The following MATR3 variants were observed in gnomAD, a reference collection of about 807,000 sequenced individuals.
MATR3 encodes the protein matrin-3.
Under a neutral mutation model 85.5 loss-of-function variants are expected in MATR3, and 4 were observed. The observed-to-expected ratio is 0.05, with a 90% CI of 0.02 to 0.11. MATR3 has a LOEUF of 0.11. Ranked by LOEUF, MATR3 falls within the 10% of genes least tolerant of loss-of-function variation. The pLI, the probability that MATR3 is intolerant of heterozygous loss-of-function variation, is 1.00. For synonymous variants in MATR3, 336 were observed against 343.1 expected, an observed-to-expected ratio of 0.98 and a Z score of 0.23; for missense variants, 685 against 1,016.1, an observed-to-expected ratio of 0.67 and a Z score of 4.43.
chr5:139,298,850 CAACTT>C (rs1340028678), intron 1 of MATR3, among the ~76,000 whole-genome samples: 2 of 152,030 alleles, frequency 1.3e-5, no homozygotes, highest in African/African-American at 2.4e-5. Flanking sequence ...AAATTGAAAA[CAACTT>C]AAATGTTCAT....
intron 1 of MATR3, among the ~76,000 whole-genome samples, chr5:139,297,175 C>G (rs1754199972): frequency 6.6e-6 from 1 of 151,896 alleles, no homozygotes; most frequent in Non-Finnish European, 1.5e-5. Context: ...GGGACTCCAT[C>G]TCAAAAAAAA....
upstream of MATR3, among the ~76,000 whole-genome samples, chr5:139,290,345 A>G (rs952186569): frequency 2.8e-5 from 4 of 143,824 alleles, no homozygotes; most frequent in African/African-American, 7.9e-5. Flanking sequence ...GGGTTTCACT[A>G]TGTTGGCCAG....
upstream of MATR3, chr5:139,293,616 G>A: frequency 5.1e-6 from 1 of 197,496 alleles, no homozygotes; most frequent in Non-Finnish European, 1.0e-5. Flanking sequence ...GTAGGGGGAG[G>A]GGCCTGGCGC....
chr5:139,302,452 A>G (rs1457201097), intron 1 of MATR3, among the ~76,000 whole-genome samples: 1 of 152,204 alleles, frequency 6.6e-6, no homozygotes, highest in Non-Finnish European at 1.5e-5. Flanking sequence ...AGGAAATATT[A>G]TATACACCAT....
At chr5:139,328,715 A>C (rs574847146) in intron 14 of MATR3, among the ~76,000 whole-genome samples, 14 of 152,238 alleles carry the variant, frequency 9.2e-5, no homozygotes, top group African/African-American at 3.1e-4. Flanking sequence ...TGAGTAGTGC[A>C]TTGAGGCCAG....
At chr5:139,277,665 AT>A (rs1382407556) in intron 2 of MATR3, among the ~76,000 whole-genome samples, 1 of 151,370 alleles carries the variant, frequency 6.6e-6, no homozygotes, top group Non-Finnish European at 1.5e-5. Flanking sequence ...GCAGCATTCT[AT>A]TTCCATCTCT....
intron 9 of MATR3, 111 bp downstream of exon 9, chr5:139,319,612 C>T (rs1755435221): frequency 4.2e-6 from 4 of 941,728 alleles, no homozygotes; most frequent in Non-Finnish European, 4.8e-6. Flanking sequence ...GTTTGGGAGG[C>T]CAAGGCAGGC....
At chr5:139,310,621 A>G (rs1388571406) in intron 2 of MATR3, 4 of 152,082 alleles carry the variant, frequency 2.6e-5, no homozygotes, top group Non-Finnish European at 5.9e-5. Flanking sequence ...CTTTTTACTT[A>G]GTGGTATTGT....
intron 1 of MATR3, among the ~76,000 whole-genome samples, chr5:139,275,243 A>C (rs528811556): frequency 7.3e-6 from 1 of 137,558 alleles, no homozygotes; most frequent in Non-Finnish European, 1.5e-5. Flanking sequence ...GTGATCCGCC[A>C]GCCTCAGCCT....
intron 1 of MATR3, among the ~76,000 whole-genome samples, chr5:139,299,126 T>C (rs75426954): frequency 2.0e-5 from 3 of 152,192 alleles, no homozygotes; most frequent in Admixed American, 2.0e-4. Flanking sequence ...CGTTAATGTT[T>C]TGTTTCGTAT....
intron 1 of MATR3, among the ~76,000 whole-genome samples, chr5:139,306,129 C>A (rs1754694320): frequency 6.6e-6 from 1 of 152,140 alleles, no homozygotes; most frequent in Admixed American, 6.5e-5. Flanking sequence ...AAAATTGTTT[C>A]ACTGAAGATG....
chr5:139,297,127 G>C (rs1754196717), intron 1 of MATR3, among the ~76,000 whole-genome samples: 2 of 152,190 alleles, frequency 1.3e-5, no homozygotes, highest in African/African-American at 4.8e-5. Flanking sequence ...GCAGTTAGCC[G>C]AGGTGGCGCC....
chr5:139,278,564 G>C, intron 2 of MATR3: 1 of 359,566 alleles, frequency 2.8e-6, no homozygotes, highest in Admixed American at 3.5e-5. Context: ...TTCACTGCTA[G>C]ATCCCAATCG....
intron 2 of MATR3, among the ~76,000 whole-genome samples, chr5:139,277,809 GGGTACAACATGA>G (rs1434058734): frequency 6.7e-6 from 1 of 150,024 alleles, no homozygotes; most frequent in Non-Finnish European, 1.5e-5. Flanking sequence ...ATGTTATATG[GGGTACAACATGA>G]GGTTTTCATA....
intron 1 of MATR3, among the ~76,000 whole-genome samples, chr5:139,302,851 A>G (rs1164966857): frequency 1.3e-5 from 2 of 152,242 alleles, no homozygotes; most frequent in Admixed American, 1.3e-4. Context: ...GAACATTTGG[A>G]AAATCTGAGC....
chr5:139,305,466 A>G (rs1159194115), intron 1 of MATR3, among the ~76,000 whole-genome samples: 1 of 152,210 alleles, frequency 6.6e-6, no homozygotes, highest in Non-Finnish European at 1.5e-5. Context: ...ATGAAGGTCA[A>G]AGCTGCAATT....
Position 139,293,782 on chromosome 5 carries a change from C to T in MATR3, c.-201C>T, listed in dbSNP as rs1173297451. 1 of 396,320 alleles carries T rather than the reference C, an allele frequency of 2.5e-6. No homozygotes were observed. Among genetic ancestry groups the T allele is most frequent in the Non-Finnish European group, 4.4e-6 (1 of 225,586 alleles). 24.6% of individuals were successfully genotyped at this position (396,320 alleles called of 1,614,324 possible). On this transcript the variant is annotated 5_prime_UTR_variant, in exon 1 of 15. Coordinates refer to ENST00000394805, the MANE Select transcript of MATR3 (RefSeq NM_018834.6). The stretch of plus-strand genomic sequence containing the variant: ...GCTCGCTGGGAGAGAGGTACCTCTC[C>T]TTTTCCCTCTCCCTTTCCCTAAGGT...
intron 3 of MATR3, among the ~76,000 whole-genome samples, chr5:139,287,594 G>T (rs1296855571): frequency 1.3e-5 from 2 of 152,020 alleles, no homozygotes; most frequent in Non-Finnish European, 2.9e-5. Context: ...ACACTAGCCT[G>T]GGCAACGAGC....
chr5:139,326,377 C>G, intron 14 of MATR3, 93 bp downstream of exon 14: 16 of 1,219,832 alleles, frequency 1.3e-5, no homozygotes, highest in Non-Finnish European at 1.4e-5. Context: ...AGTGTTCTCT[C>G]TAGACTCAGT....
Sources: gnomAD v4.1 joint callset for allele counts (sites outside exome capture counted in the v4.1 genomes callset) on GRCh38, gnomAD v4.1.1 for gene constraint, MANE v1.5 for transcripts, NCBI Gene and HGNC (gene_info 2026-07-23, HGNC 2026-07-21) for gene names.